The following MINK1 variants were observed in gnomAD, a reference collection of about 807,000 sequenced individuals.
The protein encoded by MINK1 is misshapen-like kinase 1.
A neutral mutation model predicts 178.4 loss-of-function variants in MINK1; 46 were observed. That is an observed-to-expected ratio of 0.26 (90% CI 0.20 to 0.33). The LOEUF (loss-of-function observed/expected upper bound fraction) is 0.33. Ranked by LOEUF, MINK1 falls within the 10% of genes least tolerant of loss-of-function variation. The pLI, the probability that MINK1 is intolerant of heterozygous loss-of-function variation, is 1.00. For missense variants in MINK1, 1,366 were observed against 1,814.9 expected, an observed-to-expected ratio of 0.75 and a Z score of 4.49; for synonymous variants, 797 against 709.7, an observed-to-expected ratio of 1.12 and a Z score of -1.96.
intron 13 of MINK1, 64 bp downstream of exon 13, chr17:4,889,827 C>T: frequency 8.2e-7 from 1 of 1,215,386 alleles, no homozygotes; most frequent in South Asian, 1.5e-5. Flanking sequence ...GCCGCCCCTG[C>T]TCCCCGTGCC....
In MINK1 at chr17:4,840,355, A is replaced by C. The variant is rs578259641; in HGVS notation, c.57+6715A>C. On this transcript the variant is annotated intron_variant, in intron 1 of 31. Transcript: ENST00000355280. ...TGGAAACTCCAGGCTTAATTCCAAA[A>C]GGATTTCTTCTGAATCTTCCTGTGG... Among the ~76,000 whole-genome samples, 3 of 152,324 alleles carry C rather than the reference A, an allele frequency of 2.0e-5. No individual in the cohort carries two copies. The South Asian group carries it at 6.2e-4, about 32-fold the overall frequency.
At chr17:4,847,246 A>G (rs1253146524) in intron 1 of MINK1, 1 of 458,032 alleles carries the variant, frequency 2.2e-6, no homozygotes, top group Non-Finnish European at 4.4e-6. Context: ...TCATTCATTC[A>G]TTCATTCATT....
intron 1 of MINK1, among the ~76,000 whole-genome samples, chr17:4,857,831 C>T (rs1913454948): frequency 6.6e-6 from 1 of 152,122 alleles, no homozygotes. Flanking sequence ...CACACAGACA[C>T]ACACACAGCC....
In MINK1 at chr17:4,894,633, GGTGAGGACAGGAGGACAGACCTGCT is replaced by G. The variant is rs1221779565; in HGVS notation, c.2917+7_2917+31del. ...CAGTGGGGACAGCATCCCCATCACA[GGTGAGGACAGGAGGACAGACCTGCT>G]GTGAGGCCAGGGTCCAGGGGCAGCC... On this transcript the variant is annotated splice_donor_variant and splice_donor_5th_base_variant and intron_variant, in intron 24 of 31. Transcript: ENST00000355280. LOFTEE classifies it high-confidence loss of function. This position sits in a 1 kb window ranked among gnomAD's most constrained non-coding sequence, Gnocchi z 4.1. The G allele has an allele frequency of 1.9e-6, 3 of 1,597,040 alleles. No homozygotes were observed. In the Admixed American group the frequency reaches 5.2e-5, roughly 28 times the overall value.
intron 12 of MINK1, 125 bp from the exon 13 acceptor site, chr17:4,889,522 G>A (rs1229557358): frequency 1.2e-6 from 1 of 839,506 alleles, no homozygotes; most frequent in African/African-American, 1.7e-5. Context: ...GCAGAAACAA[G>A]CGGAAGCCGG....
At chr17:4,851,143 AT>A in intron 1 of MINK1, 1 of 398,310 alleles carries the variant, frequency 2.5e-6, no homozygotes, top group Non-Finnish European at 5.2e-6. Flanking sequence ...GTTTTGGTAA[AT>A]CACTTTTTGC....
intron 1 of MINK1, among the ~76,000 whole-genome samples, chr17:4,873,183 A>C (rs1253550530): frequency 6.6e-6 from 1 of 152,206 alleles, no homozygotes; most frequent in African/African-American, 2.4e-5. Context: ...TTGGCCATCC[A>C]CATTCTCCCT....
chr17:4,858,627 C>T (rs1485618379), intron 1 of MINK1, among the ~76,000 whole-genome samples: 3 of 152,136 alleles, frequency 2.0e-5, no homozygotes, highest in African/African-American at 7.2e-5. Context: ...CAGGCATGCA[C>T]TACCATGCCC....
chr17:4,893,079 G>A lies in MINK1; in HGVS notation c.2400+12G>A, dbSNP rs1004840780. 1 of 1,555,948 alleles carries A rather than the reference G, an allele frequency of 6.4e-7. No individual in the cohort carries two copies. The highest frequency in any genetic ancestry group is 8.7e-7 in the Non-Finnish European group (1 of 1,151,540). Reference sequence around the variant, plus strand: ...CAGGCCGGCCCGCAGTGAGTCACCTGGTGGCAGGCATGGCCTGCCTCATCC... The same window carrying A: ...CAGGCCGGCCCGCAGTGAGTCACCTAGTGGCAGGCATGGCCTGCCTCATCC... On this transcript the variant is annotated intron_variant, in intron 20 of 31. Coordinates refer to ENST00000355280, the MANE Select transcript of MINK1 (RefSeq NM_153827.5).
intron 1 of MINK1, chr17:4,834,802 C>G (rs1449258320): frequency 3.8e-6 from 2 of 519,980 alleles, no homozygotes; most frequent in Non-Finnish European, 3.8e-6. Context: ...GAGGCCCCTG[C>G]TCAGACTGTC....
intron 1 of MINK1, among the ~76,000 whole-genome samples, chr17:4,864,507 C>A (rs1231379793): frequency 2.0e-5 from 3 of 151,862 alleles, no homozygotes; most frequent in Non-Finnish European, 4.4e-5. Flanking sequence ...AGTGGATCAC[C>A]TGAGGTTAGG....
chr17:4,853,257 G>T (rs1371712946), intron 1 of MINK1, among the ~76,000 whole-genome samples: 1 of 67,222 alleles, frequency 1.5e-5, no homozygotes, highest in Non-Finnish European at 3.0e-5. Context: ...GAAGAGTGTG[G>T]TTGGTGGGGG....
At chr17:4,875,336 A>G (rs1224790934) in intron 1 of MINK1, among the ~76,000 whole-genome samples, 1 of 152,154 alleles carries the variant, frequency 6.6e-6, no homozygotes, top group Non-Finnish European at 1.5e-5. Flanking sequence ...TTAGCTGTGC[A>G]TGCTGGGTCA....
Position 4,893,612 on chromosome 17 carries a change from G to C in MINK1, c.2564+15G>C. 1 of 1,518,450 alleles carries C rather than the reference G, an allele frequency of 6.6e-7. No homozygotes were observed. The highest frequency in any genetic ancestry group is 1.4e-5 in the African/African-American group (1 of 71,920). The allele number at this position is 1,518,450 out of a possible 1,614,324, so 94.1% of individuals were successfully genotyped here. On this transcript the variant is annotated intron_variant, in intron 21 of 31. Coordinates refer to ENST00000355280, the MANE Select transcript of MINK1 (RefSeq NM_153827.5). ...CCTGGGGGCCGGTACGGCATCGGGAGTGGGGCCCTCCCACTCCAAGGCACA... is the reference window on the plus strand; with the variant it reads ...CCTGGGGGCCGGTACGGCATCGGGACTGGGGCCCTCCCACTCCAAGGCACA...
chr17:4,864,427 A>T (rs900567743), intron 1 of MINK1, among the ~76,000 whole-genome samples: 15 of 144,936 alleles, frequency 1.0e-4, no homozygotes, highest in East Asian at 4.2e-4. Context: ...AATTAATTAA[A>T]TAAAGGGCTA....
At chr17:4,892,809 G>A (rs1968995893) in intron 19 of MINK1, 41 bp downstream of exon 19, 1 of 1,542,802 alleles carries the variant, frequency 6.5e-7, no homozygotes, top group Non-Finnish European at 8.8e-7. Flanking sequence ...TGGGCCTGGG[G>A]GCTTATCACC....
intron 1 of MINK1, chr17:4,871,006 T>TA (rs1915796055): frequency 3.5e-6 from 1 of 289,478 alleles, no homozygotes; most frequent in South Asian, 2.5e-5. Context: ...TGGCAACCAC[T>TA]AATCTACTTC....
chr17:4,870,714 A>G (rs1401471074), intron 1 of MINK1, among the ~76,000 whole-genome samples: 4 of 152,092 alleles, frequency 2.6e-5, no homozygotes, highest in Non-Finnish European at 5.9e-5. Context: ...AGTCCCAGCT[A>G]CTTGGGAGTT....
At chr17:4,883,902 A>G (rs1487751247) in intron 4 of MINK1, among the ~76,000 whole-genome samples, 3 of 151,890 alleles carry the variant, frequency 2.0e-5, no homozygotes, top group African/African-American at 7.3e-5. Flanking sequence ...TGAAAGTACT[A>G]GACCCTTCCT....
Sources: gnomAD v4.1 joint callset for allele counts (sites outside exome capture counted in the v4.1 genomes callset) on GRCh38, gnomAD v4.1.1 for gene constraint, Gnocchi (gnomAD v3.1) non-coding constraint, MANE v1.5 for transcripts, NCBI Gene and HGNC (gene_info 2026-07-23, HGNC 2026-07-21) for gene names.